SGK1: variants seen among roughly 807,000 people sequenced by gnomAD.
SGK1 encodes serine/threonine-protein kinase Sgk1.
A neutral mutation model predicts 64.2 loss-of-function variants in SGK1; 26 were observed. That is an observed-to-expected ratio of 0.40 (90% CI 0.30 to 0.56). The LOEUF (loss-of-function observed/expected upper bound fraction) is 0.56, where lower values mean the gene tolerates loss of function less well. SGK1 is among the 20% of genes least tolerant of loss of function. SGK1 has a pLI of 0.38. For missense variants in SGK1, 519 were observed against 645.6 expected (o/e 0.80, Z 2.12); for synonymous variants, 265 against 239.7 (o/e 1.11, Z -0.98).
At chr6:134,201,723 C>G (rs572023861) in intron 3 of SGK1, among the ~76,000 whole-genome samples, 2 of 152,236 alleles carry the variant, frequency 1.3e-5, no homozygotes, top group African/African-American at 4.8e-5. Flanking sequence ...TAATAAAACT[C>G]GTACTGCAAC....
chr6:134,317,936 G>A lies in SGK1; in HGVS notation c.-476C>T, dbSNP rs1223350275. 6.4e-6 allele frequency: 1 copy of A among 155,606 alleles called. No individual in the cohort carries two copies. Among genetic ancestry groups the A allele is most frequent in the Non-Finnish European group, 1.4e-5 (1 of 70,226 alleles). The allele number at this position is 155,606 out of a possible 1,614,324, so 9.6% of individuals were successfully genotyped here. Reference sequence around the variant, plus strand: ...TGTGCAAGTTCCAGTGGGAGCTGTAGTTAAGCAGCTGAGAGAAGGAGTAAG... The same window carrying A: ...TGTGCAAGTTCCAGTGGGAGCTGTAATTAAGCAGCTGAGAGAAGGAGTAAG... On this transcript the variant is annotated 5_prime_UTR_variant, in exon 1 of 14. Transcript: ENST00000367858.
chr6:134,281,128 C>T (rs1777088006), intron 1 of SGK1, among the ~76,000 whole-genome samples: 2 of 152,204 alleles, frequency 1.3e-5, no homozygotes, highest in Non-Finnish European at 1.5e-5. Context: ...CTCATCTGCT[C>T]AAGCTTCCTG....
chr6:134,199,433 C>T (rs1582705298), intron 3 of SGK1, among the ~76,000 whole-genome samples: 1 of 151,672 alleles, frequency 6.6e-6, no homozygotes, highest in African/African-American at 2.4e-5. Context: ...GTGGCGGGTG[C>T]CTGTAATCCC....
At chr6:134,212,045 G>A (rs112235566) in intron 2 of SGK1, among the ~76,000 whole-genome samples, 8 of 90,136 alleles carry the variant, frequency 8.9e-5, no homozygotes, top group Non-Finnish European at 1.9e-4. Flanking sequence ...CTGTTTTTTT[G>A]TTTTTTGTTT....
intron 3 of SGK1, among the ~76,000 whole-genome samples, chr6:134,179,624 T>C (rs1775301742): frequency 6.6e-6 from 1 of 151,974 alleles, no homozygotes. Context: ...GTATAGTAAT[T>C]ATTACCTTCC....
intron 1 of SGK1, among the ~76,000 whole-genome samples, chr6:134,273,498 C>G (rs7773657): frequency 7.1e-6 from 1 of 141,500 alleles, no homozygotes; most frequent in African/African-American, 2.6e-5. Flanking sequence ...GAGGCTGAGG[C>G]AGGAGAATGG....
rs187498624 is a variant in SGK1 at position 134,271,326 on chromosome 6, A to G, written c.70-9178T>C. The stretch of plus-strand genomic sequence containing the variant: ...GAAACTGTCTCAAAAAAAAAAAAAA[A>G]TTGTGGGACTCATTCTTTTCGTTTG... On this transcript the variant is annotated intron_variant, in intron 1 of 13. Coordinates refer to ENST00000367858, the MANE Select transcript of SGK1 (RefSeq NM_001143676.3). Among the ~76,000 whole-genome samples, 321 of 131,176 alleles carry G rather than the reference A, an allele frequency of 2.4e-3. 13 individuals carry two copies. Among genetic ancestry groups the G allele is most frequent in the African/African-American group, 7.1e-3 (281 of 39,602 alleles). The allele number at this position is 131,176 out of a possible 152,430, so 86.1% of individuals were successfully genotyped here. A position where few individuals can be genotyped will look rare whatever the true frequency, so the allele number is the denominator to read the frequency against.
At chr6:134,178,005 C>A in intron 3 of SGK1, 2 of 588,776 alleles carry the variant, frequency 3.4e-6, no homozygotes, top group Non-Finnish European at 5.9e-6. Flanking sequence ...ACCCCCAGCA[C>A]GCACACAAGA....
chr6:134,239,595 G>A (rs910501686), intron 2 of SGK1, among the ~76,000 whole-genome samples: 4 of 152,092 alleles, frequency 2.6e-5, no homozygotes, highest in African/African-American at 9.7e-5. Context: ...TGATTTTACA[G>A]AAAATACTGT....
At chr6:134,263,549 C>A (rs1415819955) in intron 1 of SGK1, among the ~76,000 whole-genome samples, 2 of 152,052 alleles carry the variant, frequency 1.3e-5, no homozygotes, top group African/African-American at 4.8e-5. Context: ...TACTGCACAA[C>A]TTTGATTATA....
intron 3 of SGK1, among the ~76,000 whole-genome samples, chr6:134,194,020 C>A (rs1315857899): frequency 6.6e-6 from 1 of 151,940 alleles, no homozygotes; most frequent in Non-Finnish European, 1.5e-5. Context: ...CACTCATGCT[C>A]ACTCAGACTG....
chr6:134,224,229 G>C (rs758440433), intron 2 of SGK1, among the ~76,000 whole-genome samples: 1 of 152,222 alleles, frequency 6.6e-6, no homozygotes, highest in Non-Finnish European at 1.5e-5. Flanking sequence ...ATTTAGGCAA[G>C]TTAATCATAC....
At chr6:134,220,362 A>G (rs1430132947) in intron 2 of SGK1, among the ~76,000 whole-genome samples, 3 of 152,190 alleles carry the variant, frequency 2.0e-5, no homozygotes, top group Non-Finnish European at 4.4e-5. Context: ...AGGGAGGCCA[A>G]GTGGCTTACA....
chr6:134,170,819 T>C lies in SGK1; in HGVS notation c.1413+7A>G, dbSNP rs747328986. On this transcript the variant is annotated splice_region_variant and intron_variant, in intron 13 of 13. Coordinates refer to ENST00000367858, the MANE Select transcript of SGK1 (RefSeq NM_001143676.3). Reference sequence around the variant, plus strand: ...TCTCTATACTTAGAAGAGAGACAGATACTCACCACATTTGGGTTAAAAGGG... The same window carrying C: ...TCTCTATACTTAGAAGAGAGACAGACACTCACCACATTTGGGTTAAAAGGG... 3.7e-5 allele frequency: 57 copies of C among 1,550,684 alleles called. No homozygotes were observed. Among genetic ancestry groups the C allele is most frequent in the Non-Finnish European group, 4.8e-5 (54 of 1,122,958 alleles).
intron 1 of SGK1, among the ~76,000 whole-genome samples, chr6:134,308,545 A>T (rs1449174930): frequency 6.6e-6 from 1 of 152,030 alleles, no homozygotes; most frequent in Non-Finnish European, 1.5e-5. Context: ...CTATGGGCAC[A>T]ATCCTAGGAA....
At chr6:134,265,031 T>A (rs1407176598) in intron 1 of SGK1, among the ~76,000 whole-genome samples, 1 of 152,246 alleles carries the variant, frequency 6.6e-6, no homozygotes, top group Non-Finnish European at 1.5e-5. Flanking sequence ...TATTACTTGA[T>A]AGAATATTTT....
intron 3 of SGK1, among the ~76,000 whole-genome samples, chr6:134,190,268 A>G (rs1775488776): frequency 6.7e-6 from 1 of 149,950 alleles, no homozygotes. Flanking sequence ...CCTGTCATAC[A>G]TAGTTCCTTC....
intron 1 of SGK1, among the ~76,000 whole-genome samples, chr6:134,285,230 GGGCAGATTGCCTGAGGTC>G (rs944687172): frequency 7.2e-5 from 11 of 152,142 alleles, no homozygotes; most frequent in South Asian, 2.1e-4. Flanking sequence ...AGGCCGAGGT[GGGCAGATTGCCTGAGGTC>G]GGCAGATTGC....
At chr6:134,300,789 C>T (rs538003815) in intron 1 of SGK1, among the ~76,000 whole-genome samples, 114 of 151,606 alleles carry the variant, frequency 7.5e-4, no homozygotes, top group African/African-American at 2.6e-3. Flanking sequence ...TGCGCCACCA[C>T]ACCCGGCTAA....
Sources: gnomAD v4.1 joint callset for allele counts (sites outside exome capture counted in the v4.1 genomes callset) on GRCh38, gnomAD v4.1.1 for gene constraint, MANE v1.5 for transcripts, NCBI Gene and HGNC (gene_info 2026-07-23, HGNC 2026-07-21) for gene names.